The following METTL24 variants were observed in gnomAD, a reference collection of about 807,000 sequenced individuals.
METTL24 encodes the protein methyltransferase like 24.
METTL24 carries 29 observed loss-of-function variants against 32.7 expected under a neutral mutation model. That is an observed-to-expected ratio of 0.89 (90% CI 0.66 to 1.21). The LOEUF is 1.21. METTL24 is among the 50% of genes most tolerant of loss of function. The pLI, the probability that METTL24 is intolerant of heterozygous loss-of-function variation, is 0.00. For synonymous variants in METTL24, 163 were observed against 179.5 expected (o/e 0.91, Z 0.73); for missense variants, 439 against 468.1 (o/e 0.94, Z 0.57).
intron 1 of METTL24, among the ~76,000 whole-genome samples, chr6:110,324,260 G>T (rs956085414): frequency 2.0e-5 from 3 of 152,154 alleles, no homozygotes; most frequent in African/African-American, 7.2e-5. Flanking sequence ...TCCCTGTAGA[G>T]CCCACAGTCT....
chr6:110,314,811 A>C (rs1475197694), intron 3 of METTL24, among the ~76,000 whole-genome samples: 2 of 151,900 alleles, frequency 1.3e-5, no homozygotes, highest in Non-Finnish European at 2.9e-5. Flanking sequence ...AAAATACAAA[A>C]AATTAGCCGG....
intron 4 of METTL24, among the ~76,000 whole-genome samples, chr6:110,280,459 T>C (rs1004181080): frequency 2.0e-5 from 3 of 152,194 alleles, no homozygotes; most frequent in Non-Finnish European, 4.4e-5. Flanking sequence ...GCAAATATGT[T>C]GTTTCCAGAA....
intron 4 of METTL24, among the ~76,000 whole-genome samples, chr6:110,266,152 AC>A (rs1770854413): frequency 6.6e-6 from 1 of 151,342 alleles, no homozygotes; most frequent in African/African-American, 2.4e-5. Context: ...CGATCCTCCC[AC>A]CTCAAACTCC....
intron 4 of METTL24, among the ~76,000 whole-genome samples, chr6:110,295,841 G>GGAAGGAAA (rs1165460076): frequency 6.6e-4 from 99 of 149,470 alleles, no homozygotes; most frequent in African/African-American, 2.4e-3. Flanking sequence ...AAGGAAGGAA[G>GGAAGGAAA]GTTCTCTATA....
intron 1 of METTL24, among the ~76,000 whole-genome samples, chr6:110,336,556 C>T (rs1044009075): frequency 4.6e-5 from 7 of 151,860 alleles, no homozygotes; most frequent in Admixed American, 2.0e-4. Context: ...CTGGCTAACA[C>T]GGTGAAACCC....
Position 110,246,157 on chromosome 6 carries a change from A to G in METTL24, c.890T>C (p.Ile297Thr), listed in dbSNP as rs376305303. 3.1e-6 allele frequency: 5 copies of G among 1,614,042 alleles called. No individual in the cohort carries two copies. The highest frequency in any genetic ancestry group is 4.2e-6 in the Non-Finnish European group (5 of 1,180,026). ...CTCAAACCCAGGCCAGTGGAGATGG[A>G]TCTCAAAGATGAGCTGTCCAATCTG... ...LEQIGQLIFE[I>T]HLHWPGFEVS... is the part of the protein sequence containing the mutation. The change falls in exon 5 of 5, where the codon ATC (isoleucine) becomes ACC (threonine). Residue 297 changes from isoleucine (I) to threonine (T), a missense_variant. Physicochemically the swap from Ile to Thr is moderately conservative, Grantham distance 89. Coordinates refer to ENST00000338882, the MANE Select transcript of METTL24 (RefSeq NM_001123364.3).
intron 4 of METTL24, among the ~76,000 whole-genome samples, chr6:110,260,492 G>A (rs1382604354): frequency 6.6e-6 from 1 of 152,206 alleles, no homozygotes; most frequent in Non-Finnish European, 1.5e-5. Flanking sequence ...TGTCTGAGTG[G>A]TGTACCTGAA....
chr6:110,273,382 G>T (rs548535019), intron 4 of METTL24, among the ~76,000 whole-genome samples: 15 of 151,872 alleles, frequency 9.9e-5, no homozygotes, highest in African/African-American at 3.4e-4. Flanking sequence ...TTAAAAAGTG[G>T]GCAAAGAACA....
chr6:110,258,588 G>A (rs760076247), intron 4 of METTL24, among the ~76,000 whole-genome samples: 13 of 152,068 alleles, frequency 8.5e-5, no homozygotes, highest in Non-Finnish European at 1.8e-4. Flanking sequence ...GTGGATGGGT[G>A]GATAGGTGGA....
At chr6:110,312,512 G>A (rs1235252027) in intron 3 of METTL24, among the ~76,000 whole-genome samples, 1 of 152,136 alleles carries the variant, frequency 6.6e-6, no homozygotes, top group African/African-American at 2.4e-5. Flanking sequence ...ATACTATTTG[G>A]CCATAAAAAA....
chr6:110,250,036 T>G (rs1483994148), intron 4 of METTL24, among the ~76,000 whole-genome samples: 1 of 152,024 alleles, frequency 6.6e-6, no homozygotes, highest in Non-Finnish European at 1.5e-5. Context: ...GGCAGCTTCC[T>G]CATCATAGGC....
At chr6:110,278,522 G>A (rs935502331) in intron 4 of METTL24, among the ~76,000 whole-genome samples, 10 of 152,156 alleles carry the variant, frequency 6.6e-5, no homozygotes, top group African/African-American at 1.9e-4. Flanking sequence ...GTATTCTTTA[G>A]TAGAACATGT....
intron 1 of METTL24, among the ~76,000 whole-genome samples, chr6:110,335,801 T>C (rs1256436626): frequency 2.0e-5 from 3 of 152,062 alleles, no homozygotes; most frequent in Non-Finnish European, 4.4e-5. Flanking sequence ...AAAACGAAGT[T>C]CAGAGAGGTG....
intron 3 of METTL24, among the ~76,000 whole-genome samples, chr6:110,302,656 T>C (rs1240951223): frequency 2.1e-5 from 3 of 142,302 alleles, no homozygotes; most frequent in Non-Finnish European, 3.0e-5. Flanking sequence ...TGTATATATA[T>C]ACACATATAC....
intron 4 of METTL24, among the ~76,000 whole-genome samples, chr6:110,265,775 G>A (rs1399826402): frequency 6.6e-6 from 1 of 151,438 alleles, no homozygotes; most frequent in African/African-American, 2.4e-5. Context: ...CTCCTTACAA[G>A]ATTTGTACTA....
In METTL24 at chr6:110,323,817, C is replaced by T. The variant is rs141325065; in HGVS notation, c.319-945G>A. Among the ~76,000 whole-genome samples, 560 of 152,090 alleles carry T rather than the reference C, an allele frequency of 3.7e-3. 5 individuals carry two copies. The highest frequency in any genetic ancestry group is 0.015 in the East Asian group (77 of 5,162). On this transcript the variant is annotated intron_variant, in intron 1 of 4. Coordinates refer to ENST00000338882, the MANE Select transcript of METTL24 (RefSeq NM_001123364.3). ...GTCTAGTGCCAGGAAAGGCTTTGGG[C>T]GTCATAGCATAGGTTTCCTGCAGTG...
At chr6:110,273,925 T>C (rs755970589) in intron 4 of METTL24, among the ~76,000 whole-genome samples, 8 of 152,136 alleles carry the variant, frequency 5.3e-5, no homozygotes, top group Non-Finnish European at 1.2e-4. Flanking sequence ...GATGCACACA[T>C]ACATTTATAG....
intron 4 of METTL24, among the ~76,000 whole-genome samples, chr6:110,264,096 G>C (rs1770807462): frequency 6.6e-6 from 1 of 151,578 alleles, no homozygotes; most frequent in Non-Finnish European, 1.5e-5. Context: ...AAAAGCAATG[G>C]CAACAAAAGC....
At chr6:110,290,408 A>C (rs1771298389) in intron 4 of METTL24, among the ~76,000 whole-genome samples, 1 of 152,222 alleles carries the variant, frequency 6.6e-6, no homozygotes, top group African/African-American at 2.4e-5. Context: ...TGTCTATTCT[A>C]GAACTTTATT....
Sources: gnomAD v4.1 joint callset for allele counts (sites outside exome capture counted in the v4.1 genomes callset) on GRCh38, gnomAD v4.1.1 for gene constraint, MANE v1.5 for transcripts, NCBI Gene and HGNC (gene_info 2026-07-23, HGNC 2026-07-21) for gene names.